Variants in UNC5A observed in about 807,000 individuals in gnomAD.
The protein encoded by UNC5A is netrin receptor UNC5A.
Under a neutral mutation model 87.4 loss-of-function variants are expected in UNC5A, and 20 were observed. The observed-to-expected ratio is 0.23, with a 90% CI of 0.16 to 0.33. The LOEUF is 0.33. UNC5A is among the 10% of genes least tolerant of loss of function. UNC5A has a pLI of 1.00. For synonymous variants in UNC5A, 438 were observed against 482.3 expected, an observed-to-expected ratio of 0.91 and a Z score of 1.20; for missense variants, 844 against 1,133.4, an observed-to-expected ratio of 0.74 and a Z score of 3.67.
At chr5:176,834,749 T>TCC (rs1757111156) in intron 1 of UNC5A, among the ~76,000 whole-genome samples, 1 of 150,998 alleles carries the variant, frequency 6.6e-6, no homozygotes, top group African/African-American at 2.4e-5. Context: ...CCTCTCCCTC[T>TCC]CTCTCTCCCT....
intron 1 of UNC5A, among the ~76,000 whole-genome samples, chr5:176,857,361 C>T (rs1225530846): frequency 1.3e-5 from 2 of 152,174 alleles, no homozygotes; most frequent in Non-Finnish European, 1.5e-5. Context: ...AGGTGGCATC[C>T]GTCCCAGGCT....
chr5:176,871,026 C>A (rs1306283888), intron 6 of UNC5A, among the ~76,000 whole-genome samples: 6 of 31,744 alleles, frequency 1.9e-4, no homozygotes, highest in South Asian at 1.5e-3. Flanking sequence ...ACACTCGCCC[C>A]ACACCACAGC....
intron 1 of UNC5A, among the ~76,000 whole-genome samples, chr5:176,820,161 G>A (rs1410649512): frequency 2.0e-5 from 3 of 152,180 alleles, no homozygotes; most frequent in South Asian, 2.1e-4. Context: ...ATTTTGGGAG[G>A]CCGAGGCGGG....
At chr5:176,816,268 TG>T (rs1756585370) in intron 1 of UNC5A, among the ~76,000 whole-genome samples, 1 of 152,254 alleles carries the variant, frequency 6.6e-6, no homozygotes, top group African/African-American at 2.4e-5. Flanking sequence ...AGGTGGCTGC[TG>T]GGGCAGAGCC....
At position 176,848,393 on chromosome 5, in the gene UNC5A, A is replaced by G. The variant is rs1382066797; in HGVS notation, c.71-14231A>G. On this transcript the variant is annotated intron_variant, in intron 1 of 14. Coordinates refer to ENST00000329542, the MANE Select transcript of UNC5A (RefSeq NM_133369.3). This position sits in a 1 kb window ranked among gnomAD's most constrained non-coding sequence, Gnocchi z 5.8. Reference sequence around the variant, plus strand: ...CTGAGGCCACCCCTCTCTTTCCTCCATGTTCCTCCAAGACCCTAGAGCCCA... The same window carrying G: ...CTGAGGCCACCCCTCTCTTTCCTCCGTGTTCCTCCAAGACCCTAGAGCCCA... 6.6e-6 allele frequency among the ~76,000 whole-genome samples: 1 copy of G among 152,052 alleles called. No individual in the cohort carries two copies. The highest frequency in any genetic ancestry group is 1.5e-5 in the Non-Finnish European group (1 of 68,010).
intron 1 of UNC5A, among the ~76,000 whole-genome samples, chr5:176,819,497 C>T (rs1054509269): frequency 6.6e-6 from 1 of 152,174 alleles, no homozygotes; most frequent in Non-Finnish European, 1.5e-5. Context: ...CTCATCTCTG[C>T]TCTTGGGGAT....
chr5:176,833,708 T>TCTTC, intron 1 of UNC5A, among the ~76,000 whole-genome samples: 2 of 149,764 alleles, frequency 1.3e-5, no homozygotes, highest in African/African-American at 5.0e-5. Context: ...TTATCTTTTT[T>TCTTC]CTTTCTTTTT....
intron 1 of UNC5A, among the ~76,000 whole-genome samples, chr5:176,830,459 CGT>C (rs1182782246): frequency 1.9e-4 from 21 of 109,290 alleles, no homozygotes; most frequent in African/African-American, 5.5e-4. Flanking sequence ...GTGTGTTGTG[CGT>C]GTGTGTGTGC....
Position 176,874,284 on chromosome 5 carries a change from A to T in UNC5A, c.1096A>T (p.Ile366Phe). 2 of 1,596,444 alleles carry T rather than the reference A, an allele frequency of 1.3e-6. No homozygotes were observed. The highest frequency in any genetic ancestry group is 1.7e-6 in the Non-Finnish European group (2 of 1,169,782). Reference sequence around the variant, plus strand: ...TGCAGACAACCCCCATCTGCTCACCATCCAGCCGGACCTCAGCACCACCAC... The same window carrying T: ...TGCAGACAACCCCCATCTGCTCACCTTCCAGCCGGACCTCAGCACCACCAC... ...SKADNPHLLT[I>F]QPDLSTTTTT... Residue 366 changes from isoleucine to phenylalanine, a missense_variant, in exon 8 of 15, where the codon ATC becomes TTC. By Grantham distance (21) the Ile-to-Phe change is conservative (BLOSUM62 0). Transcript: ENST00000329542. The surrounding 1 kb of genome is among the most constrained non-coding windows in gnomAD (Gnocchi z 7.6).
At chr5:176,834,867 C>T (rs1453302248) in intron 1 of UNC5A, among the ~76,000 whole-genome samples, 2 of 152,168 alleles carry the variant, frequency 1.3e-5, no homozygotes, top group African/African-American at 4.8e-5. Context: ...TGCCACTGTC[C>T]CTCTCCCTTC....
At chr5:176,829,507 G>GTGGGTGGA (rs1165023657) in intron 1 of UNC5A, among the ~76,000 whole-genome samples, 3 of 142,302 alleles carry the variant, frequency 2.1e-5, no homozygotes, top group Non-Finnish European at 4.6e-5. Context: ...GATGGATAAA[G>GTGGGTGGA]TGGGTGGATG....
chr5:176,879,257 G>A, intron 13 of UNC5A, 53 bp from the exon 14 acceptor site: 8 of 1,515,702 alleles, frequency 5.3e-6, no homozygotes, highest in Admixed American at 2.2e-5. Context: ...GGTGGCGGTG[G>A]ACCCGGGCCT....
chr5:176,817,973 C>T (rs1756634779), intron 1 of UNC5A, among the ~76,000 whole-genome samples: 2 of 152,052 alleles, frequency 1.3e-5, no homozygotes, highest in Non-Finnish European at 2.9e-5. Context: ...GGATTAGCGG[C>T]TCTTTGTTCG....
At chr5:176,831,239 T>G (rs1484463158) in intron 1 of UNC5A, among the ~76,000 whole-genome samples, 2 of 152,170 alleles carry the variant, frequency 1.3e-5, no homozygotes, top group East Asian at 3.8e-4. Flanking sequence ...TTGTAAAGTG[T>G]GATAAAATCT....
intron 6 of UNC5A, 25 bp downstream of exon 6, chr5:176,870,559 C>G: frequency 6.4e-7 from 1 of 1,552,194 alleles, no homozygotes; most frequent in African/African-American, 1.4e-5. Flanking sequence ...CCCTGAGGTC[C>G]TCTTCTGTTT....
chr5:176,858,767 G>GC (rs1406982266), intron 1 of UNC5A, among the ~76,000 whole-genome samples: 287 of 138,218 alleles, frequency 2.1e-3, no homozygotes, highest in African/African-American at 7.4e-3. Flanking sequence ...AGGAAGGAAG[G>GC]AAGGAAGGCA....
intron 9 of UNC5A, 67 bp from the exon 10 acceptor site, chr5:176,877,468 C>G: frequency 3.3e-6 from 5 of 1,522,382 alleles, no homozygotes; most frequent in Non-Finnish European, 4.4e-6. Context: ...TGCCCTTGGC[C>G]TAGCCCTCAG....
intron 1 of UNC5A, among the ~76,000 whole-genome samples, chr5:176,846,873 C>A (rs536985127): frequency 6.6e-6 from 1 of 152,190 alleles, no homozygotes; most frequent in Non-Finnish European, 1.5e-5. Context: ...TCATGCCGAC[C>A]TTGAAGCCAG....
chr5:176,831,819 G>T (rs1757031414), intron 1 of UNC5A, among the ~76,000 whole-genome samples: 1 of 150,680 alleles, frequency 6.6e-6, no homozygotes, highest in Non-Finnish European at 1.5e-5. Context: ...ACTCAAGCTG[G>T]TCCCTCCTCA....
Sources: gnomAD v4.1 joint callset for allele counts (sites outside exome capture counted in the v4.1 genomes callset) on GRCh38, gnomAD v4.1.1 for gene constraint, Gnocchi (gnomAD v3.1) non-coding constraint, MANE v1.5 for transcripts, NCBI Gene and HGNC (gene_info 2026-07-23, HGNC 2026-07-21) for gene names.